The following HIPK3 variants were observed in gnomAD, a reference collection of about 807,000 sequenced individuals.
HIPK3 encodes homeodomain interacting protein kinase 3, also known as homeodomain-interacting protein kinase 3.
A neutral mutation model predicts 124.2 loss-of-function variants in HIPK3; 47 were observed. The observed-to-expected ratio is 0.38, with a 90% confidence interval of 0.30 to 0.48. HIPK3 has a LOEUF of 0.48. Ranked by LOEUF, HIPK3 falls within the 20% of genes least tolerant of loss-of-function variation. The pLI, the probability that HIPK3 is intolerant of heterozygous loss-of-function variation, is 0.98. For missense variants in HIPK3, 1,286 were observed against 1,454.3 expected, an observed-to-expected ratio of 0.88 and a Z score of 1.88; for synonymous variants, 482 against 515.2, an observed-to-expected ratio of 0.94 and a Z score of 0.87.
chr11:33,299,420 C>G (rs1276444063), intron 2 of HIPK3, among the ~76,000 whole-genome samples: 1 of 151,124 alleles, frequency 6.6e-6, no homozygotes, highest in African/African-American at 2.4e-5. Context: ...TGCAGTGAGC[C>G]GAGATCATGC....
At chr11:33,273,512 CAAAAA>C (rs398015727) in intron 1 of HIPK3, among the ~76,000 whole-genome samples, 68 of 48,014 alleles carry the variant, frequency 1.4e-3, no homozygotes, top group Non-Finnish European at 2.1e-3. Context: ...TCTGTCTCCA[CAAAAA>C]AAAAAAAAAA....
At position 33,295,812 on chromosome 11, in the gene HIPK3, G is replaced by A. The variant is rs112081503; in HGVS notation, c.1097+8301G>A. On this transcript the variant is annotated intron_variant, in intron 2 of 16. Transcript: ENST00000303296. ...CAATTTGTCCCATTATTGGTAAGGC[G>A]AACTTTGATCACTTGGTTGAGGTGG... 3.2e-4 allele frequency among the ~76,000 whole-genome samples: 48 copies of A among 152,290 alleles called. 1 individual carries two copies. Among genetic ancestry groups the A allele is most frequent in the South Asian group, 2.9e-3 (14 of 4,816 alleles).
chr11:33,284,869 T>C (rs1851507113), intron 1 of HIPK3, among the ~76,000 whole-genome samples: 1 of 152,202 alleles, frequency 6.6e-6, no homozygotes, highest in African/African-American at 2.4e-5. Flanking sequence ...TATATTGTTG[T>C]GGCAGACCAA....
intron 3 of HIPK3, among the ~76,000 whole-genome samples, chr11:33,334,210 A>T (rs935202884): frequency 4.6e-5 from 7 of 152,206 alleles, no homozygotes; most frequent in African/African-American, 1.7e-4. Context: ...TAGTTATAAT[A>T]ATTATAAATG....
intron 14 of HIPK3, among the ~76,000 whole-genome samples, 165 bp from the exon 15 acceptor site, chr11:33,351,443 C>T (rs1375902978): frequency 6.6e-6 from 1 of 151,738 alleles, no homozygotes; most frequent in African/African-American, 2.4e-5. Context: ...ATTTAAGGGT[C>T]TAGAAATTTT....
At chr11:33,333,673 T>TTTTG (rs997990710) in intron 3 of HIPK3, among the ~76,000 whole-genome samples, 8 of 152,168 alleles carry the variant, frequency 5.3e-5, no homozygotes, top group African/African-American at 1.9e-4. Flanking sequence ...CACTGGCCAC[T>TTTTG]TTTGTTTGTT....
intron 1 of HIPK3, among the ~76,000 whole-genome samples, chr11:33,261,647 C>A (rs374113014): frequency 1.3e-5 from 2 of 152,142 alleles, no homozygotes; most frequent in Non-Finnish European, 2.9e-5. Context: ...GATTCCATGT[C>A]TTTGCCCTTG....
chr11:33,340,903 T>C (rs1853313024), intron 6 of HIPK3, 65 bp from the exon 7 acceptor site: 1 of 975,636 alleles, frequency 1.0e-6, no homozygotes, highest in South Asian at 2.3e-5. Context: ...ATTTTGTCAA[T>C]GTACCTCAAT....
chr11:33,355,034 A>C lies in HIPK3; in HGVS notation c.*1466A>C, dbSNP rs1853780138. The stretch of plus-strand genomic sequence containing the variant: ...AGGTATTAAATTGAGGCTGTGTTTT[A>C]GCTTACAGGCAAGTAATAAATTGTA... On this transcript the variant is annotated 3_prime_UTR_variant, in exon 17 of 17. Coordinates refer to ENST00000303296, the MANE Select transcript of HIPK3 (RefSeq NM_005734.5). 6.6e-6 allele frequency: 1 copy of C among 152,104 alleles called. No individual in the cohort carries two copies. Among genetic ancestry groups the C allele is most frequent in the Non-Finnish European group, 1.5e-5 (1 of 67,944 alleles). 9.4% of individuals were successfully genotyped at this position (152,104 alleles called of 1,614,324 possible).
At chr11:33,351,495 TATAAA>T (rs1375033185) in intron 14 of HIPK3, 108 bp from the exon 15 acceptor site, 1 of 690,106 alleles carries the variant, frequency 1.4e-6, no homozygotes, top group African/African-American at 1.8e-5. Context: ...TGTAATTATA[TATAAA>T]ATAACTGAAT....
At chr11:33,278,084 CTTCT>C (rs1851317682) in intron 1 of HIPK3, among the ~76,000 whole-genome samples, 1 of 152,072 alleles carries the variant, frequency 6.6e-6, no homozygotes, top group South Asian at 2.1e-4. Context: ...CATATTTTCC[CTTCT>C]AAGAGTGTGT....
intron 14 of HIPK3, among the ~76,000 whole-genome samples, chr11:33,351,155 A>G (rs1011324865): frequency 2.0e-5 from 3 of 152,214 alleles, no homozygotes; most frequent in African/African-American, 7.2e-5. Context: ...CTGGTTAGGT[A>G]CAAGGACCCA....
chr11:33,265,714 A>G (rs1850936142), intron 1 of HIPK3, among the ~76,000 whole-genome samples: 1 of 134,656 alleles, frequency 7.4e-6, no homozygotes, highest in Non-Finnish European at 1.5e-5. Flanking sequence ...TCGAGGCTGC[A>G]GTGAGCTAAG....
intron 2 of HIPK3, among the ~76,000 whole-genome samples, chr11:33,287,855 T>G (rs1273541313): frequency 2.0e-5 from 3 of 152,186 alleles, no homozygotes; most frequent in African/African-American, 7.2e-5. Context: ...TCATTGGGCA[T>G]TTTAGCACTT....
intron 2 of HIPK3, among the ~76,000 whole-genome samples, chr11:33,307,054 C>T (rs1478553240): frequency 1.3e-5 from 2 of 151,768 alleles, no homozygotes; most frequent in Non-Finnish European, 2.9e-5. Flanking sequence ...TTCTCCCTTC[C>T]TCACATCCCC....
chr11:33,268,246 T>A (rs111391757), intron 1 of HIPK3, among the ~76,000 whole-genome samples: 1 of 152,126 alleles, frequency 6.6e-6, no homozygotes, highest in Non-Finnish European at 1.5e-5. Flanking sequence ...AACAGTATTC[T>A]TAATTAAATT....
In HIPK3 at chr11:33,337,235, C is replaced by G; in HGVS notation, c.1341+41C>G. The G allele has an allele frequency of 2.4e-6, 3 of 1,271,056 alleles. No homozygotes were observed. The South Asian group carries it at 4.3e-5, about 18-fold the overall frequency. The allele number at this position is 1,271,056 out of a possible 1,614,324, so 78.7% of individuals were successfully genotyped here. A position where few individuals can be genotyped will look rare whatever the true frequency, so the allele number is the denominator to read the frequency against. On this transcript the variant is annotated intron_variant, in intron 4 of 16. Coordinates refer to ENST00000303296, the MANE Select transcript of HIPK3 (RefSeq NM_005734.5). ...ATAGAATATTTAGAAGACTAGTTTTCTAAGATGCCTCATATGCATGGATAA... is the reference window on the plus strand; with the variant it reads ...ATAGAATATTTAGAAGACTAGTTTTGTAAGATGCCTCATATGCATGGATAA...
rs767871506 is a variant in HIPK3, at chr11:33,353,247, T to C, written c.3327T>C (p.Asn1109=). 1 of 1,614,108 alleles carries C rather than the reference T, an allele frequency of 6.2e-7. No individual in the cohort carries two copies. The highest frequency in any genetic ancestry group is 8.5e-7 in the Non-Finnish European group (1 of 1,180,016). Residue 1109 remains asparagine (N), a synonymous_variant, in exon 17 of 17, where the codon AAT becomes AAC. Coordinates refer to ENST00000303296, the MANE Select transcript of HIPK3 (RefSeq NM_005734.5). The part of the protein sequence containing the change: ...HTAVHAHLAG[N]THLGGQPTLL... ...CAGTGCATGCCCACCTGGCTGGAAATACACACCTCGGAGGACAGCCTACTC... is the reference window on the plus strand; with the variant it reads ...CAGTGCATGCCCACCTGGCTGGAAACACACACCTCGGAGGACAGCCTACTC...
intron 2 of HIPK3, among the ~76,000 whole-genome samples, chr11:33,291,369 A>C (rs980622421): frequency 5.3e-5 from 8 of 152,252 alleles, no homozygotes; most frequent in African/African-American, 1.7e-4. Context: ...CACAGTAGGA[A>C]TGCACATATC....
Sources: allele counts gnomAD v4.1 joint callset (sites outside exome capture counted in the v4.1 genomes callset), GRCh38; gene constraint gnomAD v4.1.1; transcripts MANE v1.5; gene names NCBI Gene and HGNC (gene_info 2026-07-23, HGNC 2026-07-21).